Variants in FCHSD2 observed in about 807,000 individuals in gnomAD.
FCHSD2 encodes F-BAR and double SH3 domains protein 2.
FCHSD2 carries 38 observed loss-of-function variants against 108.1 expected under a neutral mutation model. The observed-to-expected ratio is 0.35, with a 90% CI of 0.27 to 0.46. FCHSD2 has a LOEUF of 0.46. Among genes scored for constraint, FCHSD2 ranks in the 20% least tolerant of loss-of-function variants. The pLI, the probability that FCHSD2 is intolerant of heterozygous loss-of-function variation, is 1.00. For missense variants in FCHSD2, 751 were observed against 897.8 expected (o/e 0.84, Z 2.09); for synonymous variants, 279 against 314.7 (o/e 0.89, Z 1.20).
chr11:73,095,057 G>T (rs1860044190), intron 2 of FCHSD2, among the ~76,000 whole-genome samples: 1 of 152,118 alleles, frequency 6.6e-6, no homozygotes, highest in African/African-American at 2.4e-5. Flanking sequence ...GCTCTCAAGG[G>T]ATTCATTTGA....
intron 8 of FCHSD2, among the ~76,000 whole-genome samples, chr11:72,966,945 T>A (rs1856919234): frequency 6.6e-6 from 1 of 152,114 alleles, no homozygotes; most frequent in Non-Finnish European, 1.5e-5. Flanking sequence ...ACGCCTGTAA[T>A]CCCAGCACTT....
chr11:73,009,484 G>C (rs777468557), intron 4 of FCHSD2, among the ~76,000 whole-genome samples: 22 of 152,136 alleles, frequency 1.4e-4, no homozygotes, highest in Non-Finnish European at 2.9e-4. Context: ...GTGATGGAGT[G>C]AGAAGTGTCT....
chr11:72,987,183 C>T (rs904567042), intron 6 of FCHSD2, among the ~76,000 whole-genome samples: 1 of 152,168 alleles, frequency 6.6e-6, no homozygotes, highest in African/African-American at 2.4e-5. Flanking sequence ...ATCAAATCAT[C>T]TATAAAAACT....
At chr11:73,068,325 G>A (rs1356356546) in intron 3 of FCHSD2, among the ~76,000 whole-genome samples, 13 of 150,538 alleles carry the variant, frequency 8.6e-5, no homozygotes, top group Non-Finnish European at 1.0e-4. Context: ...ACACCTGTGC[G>A]GTGGGTGGTG....
intron 13 of FCHSD2, among the ~76,000 whole-genome samples, chr11:72,856,220 G>C (rs950322370): frequency 3.9e-5 from 6 of 152,200 alleles, no homozygotes; most frequent in African/African-American, 1.4e-4. Flanking sequence ...TCACAATCTA[G>C]AGTGAAGGAT....
chr11:72,858,560 T>C (rs1861485359), intron 13 of FCHSD2, among the ~76,000 whole-genome samples: 3 of 152,154 alleles, frequency 2.0e-5, no homozygotes, highest in Non-Finnish European at 2.9e-5. Flanking sequence ...AAGTGGAAGC[T>C]AAATGATTAG....
intron 12 of FCHSD2, among the ~76,000 whole-genome samples, chr11:72,884,295 A>G (rs1354984547): frequency 6.6e-6 from 1 of 152,060 alleles, no homozygotes; most frequent in Non-Finnish European, 1.5e-5. Flanking sequence ...AAAATATAAT[A>G]GTTGAATCTA....
chr11:73,063,825 C>A (rs558095989), intron 3 of FCHSD2, among the ~76,000 whole-genome samples: 2 of 151,982 alleles, frequency 1.3e-5, no homozygotes, highest in African/African-American at 4.8e-5. Flanking sequence ...ACTTAGACTC[C>A]CACACAATAA....
intron 12 of FCHSD2, among the ~76,000 whole-genome samples, chr11:72,884,705 A>G (rs1000661395): frequency 1.3e-5 from 2 of 151,840 alleles, no homozygotes; most frequent in Middle Eastern, 3.2e-3. Flanking sequence ...TCCAGGATCA[A>G]GCCTCTGCCT....
intron 2 of FCHSD2, among the ~76,000 whole-genome samples, chr11:73,118,750 G>A (rs547965712): frequency 1.6e-4 from 25 of 152,240 alleles, no homozygotes; most frequent in Non-Finnish European, 2.2e-4. Context: ...CCCTTACCAC[G>A]TGTAATGCAT....
At chr11:72,919,628 T>A (rs749606299) in intron 9 of FCHSD2, among the ~76,000 whole-genome samples, 1 of 152,126 alleles carries the variant, frequency 6.6e-6, no homozygotes, top group East Asian at 1.9e-4. Context: ...TTGTTAAGTG[T>A]GTGTAAAATA....
intron 2 of FCHSD2, among the ~76,000 whole-genome samples, chr11:73,133,494 C>T (rs1861050756): frequency 6.6e-6 from 1 of 152,074 alleles, no homozygotes; most frequent in African/African-American, 2.4e-5. Context: ...TTACACCAGG[C>T]TGGGCGCAGT....
intron 12 of FCHSD2, among the ~76,000 whole-genome samples, chr11:72,886,824 G>A (rs1280160767): frequency 6.6e-6 from 1 of 152,068 alleles, no homozygotes; most frequent in African/African-American, 2.4e-5. Flanking sequence ...CCTATCTAGA[G>A]CAGGGAGTAT....
intron 2 of FCHSD2, among the ~76,000 whole-genome samples, chr11:73,120,117 G>A (rs1401000667): frequency 6.6e-6 from 1 of 151,920 alleles, no homozygotes; most frequent in African/African-American, 2.4e-5. Flanking sequence ...ACAGCACGGT[G>A]GAAACCACCC....
intron 3 of FCHSD2, among the ~76,000 whole-genome samples, chr11:73,017,384 A>C (rs1040521555): frequency 2.6e-5 from 4 of 152,210 alleles, no homozygotes; most frequent in African/African-American, 9.6e-5. Flanking sequence ...ATTTCTATAC[A>C]CGTAACTAAA....
intron 9 of FCHSD2, among the ~76,000 whole-genome samples, chr11:72,907,815 G>A (rs536218703): frequency 2.0e-5 from 3 of 151,854 alleles, no homozygotes; most frequent in South Asian, 2.1e-4. Context: ...GGATGGTCTC[G>A]ATCTCCTGAC....
At chr11:73,021,837 C>T (rs1437698338) in intron 3 of FCHSD2, among the ~76,000 whole-genome samples, 2 of 152,046 alleles carry the variant, frequency 1.3e-5, no homozygotes, top group Non-Finnish European at 2.9e-5. Flanking sequence ...ACCTGTAATC[C>T]CAACACTTTG....
intron 8 of FCHSD2, among the ~76,000 whole-genome samples, chr11:72,955,415 CT>C (rs1174842361): frequency 6.6e-6 from 1 of 152,124 alleles, no homozygotes; most frequent in Admixed American, 6.5e-5. Context: ...CTCCAGGAGG[CT>C]CCCCGAACCC....
At chr11:72,957,465 T>TA (rs896433708) in intron 8 of FCHSD2, among the ~76,000 whole-genome samples, 1 of 151,282 alleles carries the variant, frequency 6.6e-6, no homozygotes, top group Non-Finnish European at 1.5e-5. Context: ...CCAAGGACTC[T>TA]ACTCTTTAAA....
Sources: gnomAD v4.1 joint callset for allele counts (sites outside exome capture counted in the v4.1 genomes callset) on GRCh38, gnomAD v4.1.1 for gene constraint, MANE v1.5 for transcripts, NCBI Gene and HGNC (gene_info 2026-07-23, HGNC 2026-07-21) for gene names.